The following RMP64 variants were observed in gnomAD, a reference collection of about 807,000 sequenced individuals.
The protein encoded by RMP64 is nucleolus and neural progenitor protein.
the RMP64 span, chr3:113,017,471 T>C: frequency 6.2e-7 from 1 of 1,613,852 alleles, no homozygotes; most frequent in Non-Finnish European, 8.5e-7. Context: ...AAATGGGGTT[T>C]GTGGCGGCCC....
the RMP64 span, among the ~76,000 whole-genome samples, chr3:113,018,653 A>T: frequency 1.3e-5 from 2 of 152,228 alleles, no homozygotes; most frequent in Non-Finnish European, 2.9e-5. Flanking sequence ...CAAAGAACCC[A>T]TGACTGTATT....
the RMP64 span, chr3:113,002,528 G>A: frequency 6.6e-6 from 1 of 152,218 alleles, no homozygotes; most frequent in Non-Finnish European, 1.5e-5. Context: ...CCCCGACCCA[G>A]GGCTTATATG....
the RMP64 span, chr3:113,015,165 T>C: frequency 2.0e-5 from 3 of 152,228 alleles, no homozygotes; most frequent in Admixed American, 6.5e-5. Flanking sequence ...CTTTGTGTGT[T>C]ATTCCTGAGG....
At chr3:113,018,601 A>G in the RMP64 span, among the ~76,000 whole-genome samples, 37 of 152,204 alleles carry the variant, frequency 2.4e-4, no homozygotes, top group Non-Finnish European at 4.6e-4. Flanking sequence ...GTCTCTAGTG[A>G]AAAGAGGGAT....
At chr3:113,015,359 A>G in the RMP64 span, among the ~76,000 whole-genome samples, 2 of 152,248 alleles carry the variant, frequency 1.3e-5, no homozygotes, top group Non-Finnish European at 2.9e-5. Context: ...AAGGCAGTCA[A>G]TCAATGGCAG....
At chr3:113,013,406 T>C in the RMP64 span, 8 of 1,582,410 alleles carry the variant, frequency 5.1e-6, no homozygotes, top group South Asian at 8.3e-5. Flanking sequence ...GATTTTCACT[T>C]GAAAAAAATA....
At chr3:113,005,552 G>C in the RMP64 span, 1 of 1,610,768 alleles carries the variant, frequency 6.2e-7, no homozygotes, top group South Asian at 1.1e-5. Flanking sequence ...TCCCATTAAA[G>C]CAAAAATATC....
At chr3:113,011,228 T>C in the RMP64 span, 4 of 1,611,642 alleles carry the variant, frequency 2.5e-6, no homozygotes, top group South Asian at 2.2e-5. Context: ...GCAAAAGCTA[T>C]AGGCATTTTT....
At chr3:113,010,702 C>T in the RMP64 span, 2,185 of 1,612,748 alleles carry the variant, frequency 1.4e-3, 38 homozygotes, top group South Asian at 0.022. Context: ...TCTGATGACT[C>T]TTCTGTGGAG....
the RMP64 span, chr3:113,004,588 A>C: frequency 6.6e-6 from 1 of 152,232 alleles, no homozygotes; most frequent in Non-Finnish European, 1.5e-5. Context: ...GAAGCTTAAT[A>C]ACCTAATTCT....
chr3:113,004,228 A>G, the RMP64 span: 2 of 152,268 alleles, frequency 1.3e-5, no homozygotes, highest in East Asian at 3.9e-4. Context: ...AAGCTAAAGT[A>G]GTGTTTATAT....
the RMP64 span, chr3:113,005,522 A>G: frequency 1.3e-6 from 2 of 1,513,636 alleles, no homozygotes; most frequent in Non-Finnish European, 1.8e-6. Context: ...AAAGTCTCAC[A>G]TATGAACGAA....
the RMP64 span, chr3:113,009,430 T>G: frequency 2.0e-5 from 3 of 152,346 alleles, no homozygotes; most frequent in African/African-American, 2.4e-5. Context: ...TGCTATTTGC[T>G]AAAAATATAG....
At chr3:113,010,230 A>G in the RMP64 span, among the ~76,000 whole-genome samples, 7 of 152,198 alleles carry the variant, frequency 4.6e-5, no homozygotes, top group Non-Finnish European at 7.4e-5. Context: ...AAACTAGCAC[A>G]ACCCTATGAG....
chr3:113,019,087 T>TA, the RMP64 span: 1 of 178,514 alleles, frequency 5.6e-6, no homozygotes, highest in African/African-American at 2.4e-5. Flanking sequence ...GATAAGCAGA[T>TA]AGAGGTCCGA....
At chr3:113,004,949 G>GAT in the RMP64 span, 1 of 154,216 alleles carries the variant, frequency 6.5e-6, no homozygotes, top group Admixed American at 6.3e-5. Flanking sequence ...TTTAATATGA[G>GAT]ATAAGCCAAG....
chr3:113,015,363 A>G, the RMP64 span, among the ~76,000 whole-genome samples: 1 of 152,218 alleles, frequency 6.6e-6, no homozygotes, highest in Admixed American at 6.5e-5. Flanking sequence ...CAGTCAATCA[A>G]TGGCAGGTGG....
chr3:113,019,632 G>A, the RMP64 span: 3 of 1,613,334 alleles, frequency 1.9e-6, no homozygotes, highest in East Asian at 4.5e-5. Context: ...AGGCCCGGCG[G>A]CACCGCAGCC....
the RMP64 span, among the ~76,000 whole-genome samples, chr3:113,017,238 C>A: frequency 6.6e-6 from 1 of 152,082 alleles, no homozygotes; most frequent in Non-Finnish European, 1.5e-5. Context: ...AAACATACTT[C>A]TTTTCTAACA....
Sources: allele counts gnomAD v4.1 joint callset (sites outside exome capture counted in the v4.1 genomes callset), GRCh38; gene constraint gnomAD v4.1.1; transcripts MANE v1.5; gene names NCBI Gene and HGNC (gene_info 2026-07-23, HGNC 2026-07-21).